Variants in PAK1IP1 observed in about 807,000 individuals in gnomAD.
PAK1IP1 encodes the protein PAK1 interacting protein 1.
A neutral mutation model predicts 42.0 loss-of-function variants in PAK1IP1; 24 were observed. That is an observed-to-expected ratio of 0.57 (90% CI 0.41 to 0.80). PAK1IP1 has a LOEUF of 0.80. PAK1IP1 is among the 30% of genes least tolerant of loss of function. The pLI, the probability that PAK1IP1 is intolerant of heterozygous loss-of-function variation, is 0.00. For missense variants in PAK1IP1, 411 were observed against 467.9 expected, an observed-to-expected ratio of 0.88 and a Z score of 1.12; for synonymous variants, 154 against 156.7, an observed-to-expected ratio of 0.98 and a Z score of 0.13.
At chr6:10,693,201 C>CAGGACACAGCAGTA (rs1769507642), upstream of PAK1IP1, among the ~76,000 whole-genome samples, 1 of 152,296 alleles carries the variant, frequency 6.6e-6, no homozygotes, top group South Asian at 2.1e-4. Context: ...CCAACGGATG[C>CAGGACACAGCAGTA]AGGACACAGC....
intron 2 of PAK1IP1, among the ~76,000 whole-genome samples, chr6:10,698,833 G>A (rs925360774): frequency 4.6e-5 from 7 of 152,190 alleles, no homozygotes; most frequent in Non-Finnish European, 1.0e-4. Context: ...TGGTGTGTGC[G>A]GTAGAAGGAT....
intron 1 of PAK1IP1, among the ~76,000 whole-genome samples, chr6:10,696,938 G>T (rs1561889963): frequency 6.6e-6 from 1 of 152,206 alleles, no homozygotes; most frequent in Non-Finnish European, 1.5e-5. Context: ...AAATAAAAAT[G>T]TGAATATCTG....
upstream of PAK1IP1, among the ~76,000 whole-genome samples, chr6:10,692,041 A>T (rs1471506611): frequency 2.0e-5 from 3 of 152,208 alleles, no homozygotes; most frequent in Non-Finnish European, 4.4e-5. Flanking sequence ...AAAGTGTATT[A>T]AACAAGTATT....
chr6:10,707,602 G>T, intron 8 of PAK1IP1, 88 bp downstream of exon 8: 1 of 773,532 alleles, frequency 1.3e-6, no homozygotes. Flanking sequence ...ATAAGACATA[G>T]GTCTTTAAAC....
intron 8 of PAK1IP1, among the ~76,000 whole-genome samples, chr6:10,708,496 A>G (rs932581971): frequency 5.9e-5 from 9 of 151,836 alleles, no homozygotes; most frequent in African/African-American, 2.2e-4. Flanking sequence ...TTCTGTGAAC[A>G]TTCATATGCA....
rs1048882804 is a variant in PAK1IP1, at chr6:10,702,608, G to A, written c.412G>A (p.Ala138Thr). Residue 138 changes from alanine (A) to threonine (T), a missense_variant, in exon 4 of 10, where the codon GCC becomes ACC. Physicochemically the swap from Ala to Thr is moderately conservative, Grantham distance 58. Transcript: ENST00000379568. ...TTCTATTCACCCATCTGGCAAGTTG[G>A]CCCTGTCGGTTGGTACAGATAAAAC... Reference protein sequence around the residue: ...FLSIHPSGKLALSVGTDKTLR... With the variant: ...FLSIHPSGKLTLSVGTDKTLR... 13 of 1,613,620 alleles carry A rather than the reference G, an allele frequency of 8.1e-6. No individual in the cohort carries two copies. In the Admixed American group the frequency reaches 1.7e-4, roughly 21 times the overall value.
intron 7 of PAK1IP1, 102 bp from the exon 8 acceptor site, chr6:10,707,313 C>G: frequency 1.4e-6 from 1 of 737,612 alleles, no homozygotes; most frequent in East Asian, 2.5e-5. Context: ...TTTGGAAATA[C>G]TTGAAACATT....
chr6:10,702,822 C>G (rs747067783), intron 4 of PAK1IP1, among the ~76,000 whole-genome samples, 183 bp downstream of exon 4: 3 of 151,694 alleles, frequency 2.0e-5, no homozygotes, highest in Non-Finnish European at 2.9e-5. Context: ...GAGACAGAGT[C>G]TCGCTCTGTC....
chr6:10,697,590 A>G (rs553434648), intron 2 of PAK1IP1, 104 bp downstream of exon 2: 31 of 900,778 alleles, frequency 3.4e-5, no homozygotes, highest in Middle Eastern at 3.5e-4. Flanking sequence ...ATTCTTTGCT[A>G]GAAGATAGAG....
intron 2 of PAK1IP1, among the ~76,000 whole-genome samples, chr6:10,697,932 G>A (rs79580164): frequency 1.3e-5 from 2 of 151,814 alleles, no homozygotes; most frequent in South Asian, 4.1e-4. Context: ...GTTGGCTTAC[G>A]GTCTGTATTG....
In PAK1IP1 at chr6:10,702,240, CAAAAAAAAAAAAAA is replaced by C. The variant is rs754523559; in HGVS notation, c.248-128_248-115del. 1.1e-4 allele frequency: 66 copies of C among 574,066 alleles called. 1 individual carries two copies. The Admixed American group carries it at 2.6e-3, about 23-fold the overall frequency. 35.6% of individuals were successfully genotyped at this position (574,066 alleles called of 1,614,324 possible). A position where few individuals can be genotyped will look rare whatever the true frequency, so the allele number is the denominator to read the frequency against. On this transcript the variant is annotated intron_variant, in intron 2 of 9. Coordinates refer to ENST00000379568, the MANE Select transcript of PAK1IP1 (RefSeq NM_017906.3). ...GGGTAACAAGAGTGAAACCCTGCCT[CAAAAAAAAAAAAAA>C]GAAAAAGAAAAAAAGGTATTGAGTG...
chr6:10,696,347 C>G (rs780466681), intron 1 of PAK1IP1, among the ~76,000 whole-genome samples: 52 of 152,330 alleles, frequency 3.4e-4, no homozygotes, highest in Admixed American at 1.5e-3. Context: ...GAAGGAGTAT[C>G]TTCTGTAACT....
Position 10,707,464 on chromosome 6 carries a change from T to G in PAK1IP1, c.790T>G (p.Ser264Ala). ...AATTCCAGAGCATCATGTTATTGTTTCAGCATCGAGTGATGGTTTCATCAA... is the reference window on the plus strand; with the variant it reads ...AATTCCAGAGCATCATGTTATTGTTGCAGCATCGAGTGATGGTTTCATCAA... ...FEIPEHHVIV[S>A]ASSDGFIKMW... is the part of the protein sequence containing the mutation. The change falls in exon 8 of 10, where the codon TCA (serine) becomes GCA (alanine). Residue 264 changes from serine (S) to alanine (A), a missense_variant. Ser to Ala is a moderately conservative substitution (Grantham distance 99). Transcript: ENST00000379568. 1 of 1,612,120 alleles carries G rather than the reference T, an allele frequency of 6.2e-7. No homozygotes were observed. Among genetic ancestry groups the G allele is most frequent in the Non-Finnish European group, 8.5e-7 (1 of 1,178,154 alleles).
Position 10,704,651 on chromosome 6 carries a change from C to T in PAK1IP1, c.641C>T (p.Ser214Leu). The T allele has an allele frequency of 6.2e-7, 1 of 1,612,122 alleles. No individual in the cohort carries two copies. Residue 214 changes from serine (S) to leucine (L), a missense_variant and splice_region_variant, in exon 6 of 10, where the codon TCA (serine) becomes TTA (leucine). Ser to Leu is a moderately radical substitution (Grantham distance 145). Coordinates refer to ENST00000379568, the MANE Select transcript of PAK1IP1 (RefSeq NM_017906.3). Reference protein sequence around the residue: ...EKRISSVKFLSESVLAVAGDE... With the variant: ...EKRISSVKFLLESVLAVAGDE... ...AGAATTTCCTCTGTTAAATTTCTTT[C>T]AGTAAGTAATCAGAAATCATTGACC...
At chr6:10,702,996 G>T (rs971173075) in intron 4 of PAK1IP1, among the ~76,000 whole-genome samples, 3 of 151,902 alleles carry the variant, frequency 2.0e-5, no homozygotes, top group Admixed American at 6.6e-5. Context: ...TAGTAGAGAC[G>T]GGGTTTCACC....
At chr6:10,691,381 G>A (rs1028622665), upstream of PAK1IP1, among the ~76,000 whole-genome samples, 2 of 151,990 alleles carry the variant, frequency 1.3e-5, no homozygotes, top group African/African-American at 4.8e-5. Context: ...TGAGAGGGTC[G>A]TGATTGACTG....
intron 2 of PAK1IP1, among the ~76,000 whole-genome samples, chr6:10,699,872 C>T (rs1769971060): frequency 6.6e-6 from 1 of 152,106 alleles, no homozygotes; most frequent in South Asian, 2.1e-4. Flanking sequence ...TTATTTCTCA[C>T]AGTTGTAGAG....
chr6:10,694,730 G>A (rs538446324), upstream of PAK1IP1: 5 of 385,394 alleles, frequency 1.3e-5, no homozygotes, highest in South Asian at 1.4e-4. Context: ...GCTTGCCCCC[G>A]ATTTTTTTCT....
At chr6:10,701,889 G>A (rs1770037443) in intron 2 of PAK1IP1, among the ~76,000 whole-genome samples, 1 of 152,116 alleles carries the variant, frequency 6.6e-6, no homozygotes, top group Non-Finnish European at 1.5e-5. Context: ...TATTTGCATA[G>A]ATTTGAACAA....
Sources: allele counts gnomAD v4.1 joint callset (sites outside exome capture counted in the v4.1 genomes callset), GRCh38; gene constraint gnomAD v4.1.1; transcripts MANE v1.5; gene names NCBI Gene and HGNC (gene_info 2026-07-23, HGNC 2026-07-21).